ARHGAP42: variants seen among roughly 807,000 people sequenced by gnomAD.
ARHGAP42 encodes rho GTPase-activating protein 42.
ARHGAP42 carries 63 observed loss-of-function variants against 125.0 expected under a neutral mutation model. The observed-to-expected ratio is 0.50, with a 90% CI of 0.41 to 0.62. The LOEUF (loss-of-function observed/expected upper bound fraction) is 0.62. Among genes scored for constraint, ARHGAP42 ranks in the 20% least tolerant of loss-of-function variants. The pLI, the probability that ARHGAP42 is intolerant of heterozygous loss-of-function variation, is 0.00. For missense variants in ARHGAP42, 766 were observed against 1,024.2 expected (o/e 0.75, Z 3.44); for synonymous variants, 339 against 351.0 (o/e 0.97, Z 0.38).
At position 100,776,981 on chromosome 11, in the gene ARHGAP42, CAAAAA is replaced by C. The variant is rs71053146; in HGVS notation, c.250+6559_250+6563del. 1.4e-3 allele frequency among the ~76,000 whole-genome samples: 156 copies of C among 108,864 alleles called. 1 individual carries two copies. The highest frequency in any genetic ancestry group is 7.2e-4 in the Non-Finnish European group (38 of 52,646). 71.4% of individuals were successfully genotyped at this position (108,864 alleles called of 152,430 possible). The stretch of plus-strand genomic sequence containing the variant: ...CTGGGCAACAAAGTGAACACTGTCT[CAAAAA>C]AAAAAAAAAAAAAAACACGAAGAGC... On this transcript the variant is annotated intron_variant, in intron 2 of 23. Coordinates refer to ENST00000298815, the MANE Select transcript of ARHGAP42 (RefSeq NM_152432.4).
intron 1 of ARHGAP42, among the ~76,000 whole-genome samples, chr11:100,744,312 G>T (rs894623598): frequency 6.6e-6 from 1 of 151,974 alleles, no homozygotes; most frequent in Non-Finnish European, 1.5e-5. Flanking sequence ...TCTTCATGTT[G>T]GTTCTTACCT....
intron 3 of ARHGAP42, among the ~76,000 whole-genome samples, chr11:100,830,109 T>C (rs1864630513): frequency 6.6e-6 from 1 of 152,220 alleles, no homozygotes; most frequent in East Asian, 1.9e-4. Flanking sequence ...TCAGATTACT[T>C]TGAAAACTCC....
chr11:100,929,158 G>C (rs1482276764), intron 6 of ARHGAP42, among the ~76,000 whole-genome samples: 1 of 152,116 alleles, frequency 6.6e-6, no homozygotes, highest in East Asian at 1.9e-4. Flanking sequence ...GGATGAACCT[G>C]TTCCACTTCA....
chr11:100,797,140 G>T (rs1042068526), intron 3 of ARHGAP42, among the ~76,000 whole-genome samples: 10 of 152,194 alleles, frequency 6.6e-5, no homozygotes, highest in Admixed American at 1.3e-4. Flanking sequence ...GCTAGTAGTG[G>T]TTGGTTCATA....
At position 100,762,597 on chromosome 11, in the gene ARHGAP42, A is replaced by G. The variant is rs148433838; in HGVS notation, c.155-7746A>G. ...CGATTTTTAATATCAGATGACTGCT[A>G]TTTTTTAGGCATGTATATAAAACAG... On this transcript the variant is annotated intron_variant, in intron 1 of 23. Transcript: ENST00000298815. Among the ~76,000 whole-genome samples, 620 of 152,282 alleles carry G rather than the reference A, an allele frequency of 4.1e-3. 6 individuals carry two copies. The highest frequency in any genetic ancestry group is 0.012 in the African/African-American group (516 of 41,562).
chr11:100,786,412 A>G (rs1044790191), intron 2 of ARHGAP42, among the ~76,000 whole-genome samples: 1 of 152,258 alleles, frequency 6.6e-6, no homozygotes, highest in South Asian at 2.1e-4. Context: ...GGGAAAAGGC[A>G]GCAGAAATTA....
At chr11:100,794,075 C>CAAAAAAAA (rs869272420) in intron 2 of ARHGAP42, among the ~76,000 whole-genome samples, 23 of 44,846 alleles carry the variant, frequency 5.1e-4, no homozygotes, top group South Asian at 1.4e-3. Context: ...GACCCTGTCT[C>CAAAAAAAA]AAAAAAAAAA....
intron 3 of ARHGAP42, among the ~76,000 whole-genome samples, chr11:100,827,594 A>G (rs767657680): frequency 4.6e-5 from 7 of 152,216 alleles, no homozygotes; most frequent in African/African-American, 1.4e-4. Flanking sequence ...AAACCTCATC[A>G]GTATGAGGCT....
intron 3 of ARHGAP42, among the ~76,000 whole-genome samples, chr11:100,805,033 C>T (rs1296675207): frequency 2.0e-5 from 3 of 152,204 alleles, no homozygotes. Context: ...TGACACTGAG[C>T]ATTCCAAGGT....
Position 100,947,263 on chromosome 11 carries a change from A to G in ARHGAP42, c.1044-1194A>G, listed in dbSNP as rs548082808. ...TTTCCTAAATGGTTAAGACTACTGCATAAAGAGGCTGTTAGTTTATTTATA... is the reference window on the plus strand; with the variant it reads ...TTTCCTAAATGGTTAAGACTACTGCGTAAAGAGGCTGTTAGTTTATTTATA... On this transcript the variant is annotated intron_variant, in intron 10 of 23. Transcript: ENST00000298815. Among the ~76,000 whole-genome samples the G allele has an allele frequency of 2.0e-5, 3 of 152,052 alleles. No homozygotes were observed. The East Asian group carries it at 5.8e-4, about 29-fold the overall frequency.
At position 100,884,052 on chromosome 11, in the gene ARHGAP42, A is replaced by AAT. The variant is rs1310801540; in HGVS notation, c.384+24427_384+24428insAT. On this transcript the variant is annotated intron_variant, in intron 4 of 23. Transcript: ENST00000298815. Reference sequence around the variant, plus strand: ...CTACCTTAGGCATAATTAGAATAAGACCGCACACAGTGGATTTTCCCCCAC... The same window carrying AAT: ...CTACCTTAGGCATAATTAGAATAAGAATCCGCACACAGTGGATTTTCCCCCAC... Among the ~76,000 whole-genome samples the AAT allele has an allele frequency of 2.0e-3, 302 of 152,298 alleles. 2 individuals are homozygous for AAT. Among genetic ancestry groups the AAT allele is most frequent in the Non-Finnish European group, 1.3e-3 (87 of 68,026 alleles).
chr11:100,914,796 A>G (rs74724827), intron 5 of ARHGAP42, among the ~76,000 whole-genome samples: 6,036 of 152,134 alleles, frequency 0.04, 301 homozygotes, highest in African/African-American at 0.12. Context: ...CCTGGTCCTC[A>G]GCTCTCTTTA....
At position 100,952,486 on chromosome 11, in the gene ARHGAP42, G is replaced by T. The variant is rs148114579; in HGVS notation, c.1162+2530G>T. ...CTCAATTGCATAGTGATTTCAAAAG[G>T]TCTTACTACTTTTGCATAAACTAAA... On this transcript the variant is annotated intron_variant, in intron 12 of 23. Coordinates refer to ENST00000298815, the MANE Select transcript of ARHGAP42 (RefSeq NM_152432.4). Among the ~76,000 whole-genome samples the T allele has an allele frequency of 2.7e-4, 41 of 152,088 alleles. No individual in the cohort carries two copies. In the East Asian group the frequency reaches 7.7e-3, roughly 29 times the overall value.
intron 22 of ARHGAP42, among the ~76,000 whole-genome samples, chr11:100,980,866 C>A (rs1424695144): frequency 6.6e-6 from 1 of 152,070 alleles, no homozygotes; most frequent in Admixed American, 6.6e-5. Flanking sequence ...CCACTGCACC[C>A]AGCCAACTCA....
At chr11:100,789,024 CTT>C (rs1321794561) in intron 2 of ARHGAP42, among the ~76,000 whole-genome samples, 1 of 151,976 alleles carries the variant, frequency 6.6e-6, no homozygotes, top group Non-Finnish European at 1.5e-5. Flanking sequence ...TCTTATTTTT[CTT>C]GGTGTGGCCA....
intron 4 of ARHGAP42, among the ~76,000 whole-genome samples, chr11:100,867,119 CA>C (rs1327788711): frequency 6.6e-6 from 1 of 152,150 alleles, no homozygotes; most frequent in East Asian, 1.9e-4. Flanking sequence ...AGAGCACAGG[CA>C]GAGTAGATTC....
At chr11:100,865,381 G>A (rs1347616499) in intron 4 of ARHGAP42, among the ~76,000 whole-genome samples, 1 of 152,160 alleles carries the variant, frequency 6.6e-6, no homozygotes. Flanking sequence ...AATTTAAGAA[G>A]TATTACAAAT....
At chr11:100,689,689 A>T (rs746917464) in intron 1 of ARHGAP42, among the ~76,000 whole-genome samples, 1 of 152,222 alleles carries the variant, frequency 6.6e-6, no homozygotes, top group Non-Finnish European at 1.5e-5. Context: ...GCACTTAATT[A>T]TACAACCTGC....
At chr11:100,747,367 A>G (rs914113198) in intron 1 of ARHGAP42, among the ~76,000 whole-genome samples, 6 of 152,164 alleles carry the variant, frequency 3.9e-5, no homozygotes, top group African/African-American at 1.4e-4. Context: ...TCACCTTTAT[A>G]TTAGTGTGTT....
Sources: gnomAD v4.1 joint callset for allele counts (sites outside exome capture counted in the v4.1 genomes callset) on GRCh38, gnomAD v4.1.1 for gene constraint, MANE v1.5 for transcripts, NCBI Gene and HGNC (gene_info 2026-07-23, HGNC 2026-07-21) for gene names.